The following EBAG9 variants were observed in gnomAD, a reference collection of about 807,000 sequenced individuals.
The protein encoded by EBAG9 is receptor-binding cancer antigen expressed on SiSo cells.
EBAG9 carries 16 observed loss-of-function variants against 30.9 expected under a neutral mutation model. The ratio of observed to expected loss-of-function variants is 0.52; its 90% CI spans 0.35 to 0.79. The LOEUF is 0.79. EBAG9 is among the 30% of genes least tolerant of loss of function. The pLI, the probability that EBAG9 is intolerant of heterozygous loss-of-function variation, is 0.01. For missense variants in EBAG9, 197 were observed against 242.1 expected (o/e 0.81, Z 1.24); for synonymous variants, 93 against 82.8 (o/e 1.12, Z -0.67).
intron 1 of EBAG9, among the ~76,000 whole-genome samples, chr8:109,543,876 C>G (rs1439046451): frequency 6.6e-6 from 1 of 151,840 alleles, no homozygotes; most frequent in Non-Finnish European, 1.5e-5. Context: ...AGTAAAAATA[C>G]AAAAATTAGC....
chr8:109,564,830 A>G lies in EBAG9; in HGVS notation c.*271A>G, dbSNP rs917997863. The G allele has an allele frequency of 1.0e-5, 3 of 294,058 alleles. No individual in the cohort carries two copies. Among genetic ancestry groups the G allele is most frequent in the African/African-American group, 6.6e-5 (3 of 45,488 alleles). 18.2% of individuals were successfully genotyped at this position (294,058 alleles called of 1,614,324 possible). A position where few individuals can be genotyped will look rare whatever the true frequency, so the allele number is the denominator to read the frequency against. ...CTGTACAGAAAGTATCACAAATGGA[A>G]TATATCAGTACCTCTCAAGCTAGTG... On this transcript the variant is annotated 3_prime_UTR_variant, in exon 7 of 7. Transcript: ENST00000337573.
At chr8:109,556,400 T>C (rs1821598593) in intron 4 of EBAG9, among the ~76,000 whole-genome samples, 1 of 152,232 alleles carries the variant, frequency 6.6e-6, no homozygotes, top group East Asian at 1.9e-4. Context: ...TTAAGTGAGT[T>C]TCTTAATAGA....
In EBAG9 at chr8:109,564,790, T is replaced by G; in HGVS notation, c.*231T>G. The G allele has an allele frequency of 2.5e-6, 1 of 405,714 alleles. No homozygotes were observed. The highest frequency in any genetic ancestry group is 4.4e-6 in the Non-Finnish European group (1 of 228,788). The allele number at this position is 405,714 out of a possible 1,614,324, so 25.1% of individuals were successfully genotyped here. A position where few individuals can be genotyped will look rare whatever the true frequency, so the allele number is the denominator to read the frequency against. Reference sequence around the variant, plus strand: ...TGTTTTCTTCAACATGCTCCAAATATAAGACATTTGTTTGCTGTACAGAAA... The same window carrying G: ...TGTTTTCTTCAACATGCTCCAAATAGAAGACATTTGTTTGCTGTACAGAAA... On this transcript the variant is annotated 3_prime_UTR_variant, in exon 7 of 7. Transcript: ENST00000337573.
chr8:109,552,240 A>C (rs1821508803), intron 2 of EBAG9, among the ~76,000 whole-genome samples: 1 of 142,446 alleles, frequency 7.0e-6, no homozygotes, highest in Non-Finnish European at 1.5e-5. Context: ...CTTATTGCTA[A>C]AAGTAGAGTG....
intron 1 of EBAG9, among the ~76,000 whole-genome samples, chr8:109,543,627 C>A (rs1821323945): frequency 6.6e-6 from 1 of 152,032 alleles, no homozygotes; most frequent in Non-Finnish European, 1.5e-5. Flanking sequence ...TCAGAGATGA[C>A]CATTTTTTTT....
At chr8:109,554,223 CAT>C (rs1234435985) in intron 3 of EBAG9, among the ~76,000 whole-genome samples, 5 of 152,188 alleles carry the variant, frequency 3.3e-5, no homozygotes, top group Non-Finnish European at 1.5e-5. Context: ...AGAATTCCAA[CAT>C]ATCATTTTGG....
chr8:109,554,682 A>G (rs755009276), intron 3 of EBAG9, 47 bp from the exon 4 acceptor site: 1 of 1,577,904 alleles, frequency 6.3e-7, no homozygotes, highest in East Asian at 2.2e-5. Flanking sequence ...TGATGTGTTC[A>G]TTAAGTTGCC....
At chr8:109,554,693 C>G in intron 3 of EBAG9, 36 bp from the exon 4 acceptor site, 1 of 1,589,380 alleles carries the variant, frequency 6.3e-7, no homozygotes, top group Non-Finnish European at 8.6e-7. Context: ...TTAAGTTGCC[C>G]CTTTGTGGCT....
In EBAG9 at chr8:109,564,662, ATT is replaced by A; in HGVS notation, c.*106_*107del. ...GTATTTTAAGAAGACATACTGCTTG[ATT>A]TTAATACATTGATCAGGCCATCCAG... On this transcript the variant is annotated 3_prime_UTR_variant, in exon 7 of 7. Coordinates refer to ENST00000337573, the MANE Select transcript of EBAG9 (RefSeq NM_004215.5). 1 of 1,484,682 alleles carries A rather than the reference ATT, an allele frequency of 6.7e-7. No individual in the cohort carries two copies. Among genetic ancestry groups the A allele is most frequent in the South Asian group, 1.3e-5 (1 of 77,768 alleles). 92.0% of individuals were successfully genotyped at this position (1,484,682 alleles called of 1,614,324 possible).
intron 1 of EBAG9, among the ~76,000 whole-genome samples, chr8:109,541,347 T>G (rs2131093231): frequency 6.6e-6 from 1 of 152,238 alleles, no homozygotes; most frequent in East Asian, 1.9e-4. Context: ...TGCACACAAT[T>G]AAAAGGTTTC....
intron 1 of EBAG9, among the ~76,000 whole-genome samples, chr8:109,541,784 A>G (rs1821280690): frequency 6.6e-6 from 1 of 152,244 alleles, no homozygotes; most frequent in Non-Finnish European, 1.5e-5. Context: ...CGACTGAAAC[A>G]TAGTAGGTGC....
At chr8:109,551,092 G>A (rs959385144) in intron 2 of EBAG9, among the ~76,000 whole-genome samples, 185 bp downstream of exon 2, 3 of 151,938 alleles carry the variant, frequency 2.0e-5, no homozygotes, top group African/African-American at 7.3e-5. Flanking sequence ...AGAAAATAGA[G>A]GTTCAGTTGT....
At chr8:109,550,778 A>C in intron 1 of EBAG9, 32 bp from the exon 2 acceptor site, 1 of 1,238,640 alleles carries the variant, frequency 8.1e-7, no homozygotes, top group Non-Finnish European at 1.2e-6. Context: ...AAATCAATTT[A>C]ATGCATTTTT....
chr8:109,539,779 G>A (rs1294663418), upstream of EBAG9: 1 of 152,224 alleles, frequency 6.6e-6, no homozygotes, highest in Non-Finnish European at 1.5e-5. Context: ...GCCCGGCTTT[G>A]AATGAGCGGG....
intron 5 of EBAG9, chr8:109,557,675 G>A: frequency 2.2e-6 from 1 of 456,000 alleles, no homozygotes; most frequent in Non-Finnish European, 4.4e-6. Context: ...TGTGGATTGG[G>A]AATCCAGGTG....
intron 5 of EBAG9, 68 bp downstream of exon 5, chr8:109,557,110 A>C (rs1014006127): frequency 2.0e-6 from 2 of 996,920 alleles, no homozygotes; most frequent in Non-Finnish European, 1.5e-6. Flanking sequence ...CAGAGGAATA[A>C]AATCTAAATG....
At chr8:109,540,756 T>G (rs761072534) in intron 1 of EBAG9, 22 of 152,234 alleles carry the variant, frequency 1.4e-4, no homozygotes, top group Non-Finnish European at 2.8e-4. Context: ...TTTTGGGAGC[T>G]TTGTAATATT....
At chr8:109,543,305 G>A (rs544882421) in intron 1 of EBAG9, among the ~76,000 whole-genome samples, 6 of 151,720 alleles carry the variant, frequency 4.0e-5, no homozygotes, top group Non-Finnish European at 5.9e-5. Flanking sequence ...ACATTTTAGA[G>A]CCCTGTCTTT....
At position 109,554,807 on chromosome 8, in the gene EBAG9, G is replaced by A; in HGVS notation, c.241G>A (p.Ala81Thr). The A allele has an allele frequency of 1.9e-6, 3 of 1,613,818 alleles. No individual in the cohort carries two copies. Among genetic ancestry groups the A allele is most frequent in the Non-Finnish European group, 2.5e-6 (3 of 1,179,826 alleles). The stretch of plus-strand genomic sequence containing the variant: ...GATCGAAGGAGGGAATGGGAATGTG[G>A]CAACACAACAAAATTCTTTGGAACA... Reference protein sequence around the residue: ...VKIEGGNGNVATQQNSLEQLE... With the variant: ...VKIEGGNGNVTTQQNSLEQLE... Residue 81 changes from alanine to threonine, a missense_variant, in exon 4 of 7, where the codon GCA becomes ACA. Ala to Thr is a moderately conservative substitution (Grantham distance 58, BLOSUM62 0). Coordinates refer to ENST00000337573, the MANE Select transcript of EBAG9 (RefSeq NM_004215.5).
Sources: gnomAD v4.1 joint callset for allele counts (sites outside exome capture counted in the v4.1 genomes callset) on GRCh38, gnomAD v4.1.1 for gene constraint, MANE v1.5 for transcripts, NCBI Gene and HGNC (gene_info 2026-07-23, HGNC 2026-07-21) for gene names.